OSTN: variants seen among roughly 807,000 people sequenced by gnomAD.
The protein encoded by OSTN is osteocrin.
Under a neutral mutation model 12.0 loss-of-function variants are expected in OSTN, and 9 were observed. The observed-to-expected ratio is 0.75, with a 90% CI of 0.45 to 1.30. OSTN has a LOEUF of 1.30. Ranked by LOEUF, OSTN falls within the 50% of genes most tolerant of loss-of-function variation. The pLI is 0.00. For missense variants in OSTN, 148 were observed against 152.3 expected, an observed-to-expected ratio of 0.97 and a Z score of 0.15; for synonymous variants, 59 against 56.9, an observed-to-expected ratio of 1.04 and a Z score of -0.16.
At position 191,200,887 on chromosome 3, in the gene OSTN, G is replaced by A. The variant is rs184998957; in HGVS notation, c.-1+1580G>A. On this transcript the variant is annotated intron_variant, in intron 1 of 4. Transcript: ENST00000682035. Reference sequence around the variant, plus strand: ...AGTCAGAGAAATACAAGCTTTGGAGGCAGAAAACTAGACTTCTAATTCTAG... The same window carrying A: ...AGTCAGAGAAATACAAGCTTTGGAGACAGAAAACTAGACTTCTAATTCTAG... Among the ~76,000 whole-genome samples, 220 of 152,198 alleles carry A rather than the reference G, an allele frequency of 1.4e-3. 3 individuals carry two copies. The highest frequency in any genetic ancestry group is 1.2e-4 in the Non-Finnish European group (8 of 67,980).
At chr3:191,229,667 T>C (rs1715000175) in intron 3 of OSTN, 1 of 152,058 alleles carries the variant, frequency 6.6e-6, no homozygotes, top group African/African-American at 2.4e-5. Context: ...GCCAAGAAAA[T>C]GACTCAATAT....
chr3:191,259,623 A>G (rs939819717), intron 4 of OSTN, among the ~76,000 whole-genome samples: 5 of 151,900 alleles, frequency 3.3e-5, no homozygotes, highest in African/African-American at 1.2e-4. Context: ...AAAAGTCAAA[A>G]GTCACACAGA....
intron 1 of OSTN, among the ~76,000 whole-genome samples, chr3:191,201,245 A>G (rs1714146673): frequency 6.6e-6 from 1 of 151,982 alleles, no homozygotes; most frequent in Non-Finnish European, 1.5e-5. Flanking sequence ...CTCCAGTAAC[A>G]ATGCCTCTGC....
chr3:191,216,773 C>T (rs1714623034), intron 2 of OSTN, among the ~76,000 whole-genome samples: 1 of 152,222 alleles, frequency 6.6e-6, no homozygotes, highest in Admixed American at 6.5e-5. Context: ...TCTGAGATCA[C>T]CTCAGCCTGG....
intron 4 of OSTN, among the ~76,000 whole-genome samples, chr3:191,250,477 CT>C (rs1345382082): frequency 1.3e-5 from 2 of 151,984 alleles, no homozygotes; most frequent in African/African-American, 2.4e-5. Context: ...TATAAAAATC[CT>C]TGCGTTATGA....
At position 191,218,830 on chromosome 3, in the gene OSTN, C is replaced by G. The variant is rs756580144; in HGVS notation, c.186C>G (p.Leu62=). The G allele has an allele frequency of 2.5e-6, 4 of 1,614,074 alleles. No individual in the cohort carries two copies. Among genetic ancestry groups the G allele is most frequent in the Middle Eastern group, 1.7e-4 (1 of 6,060 alleles). ...EKSATDLTAK[L]LLLDELVSLE... ...CAGCCACTGACCTGACAGCAAAACT[C>G]TTGCTTCTTGATGAATTGGTGTCCC... The change falls in exon 3 of 5, where the codon CTC becomes CTG. Residue 62 remains leucine, a synonymous_variant. Coordinates refer to ENST00000682035, the MANE Select transcript of OSTN (RefSeq NM_198184.2).
chr3:191,199,781 A>C (rs551808526), intron 1 of OSTN, among the ~76,000 whole-genome samples: 2 of 152,246 alleles, frequency 1.3e-5, no homozygotes, highest in South Asian at 4.1e-4. Flanking sequence ...AACCTAATGC[A>C]TCTTCTGTTT....
chr3:191,223,018 A>C (rs1042423322), intron 3 of OSTN, among the ~76,000 whole-genome samples: 2 of 152,140 alleles, frequency 1.3e-5, no homozygotes, highest in African/African-American at 2.4e-5. Context: ...ATTAATTTAA[A>C]TTTAAAATTA....
chr3:191,212,324 C>T (rs1204342323), intron 1 of OSTN, among the ~76,000 whole-genome samples: 1 of 152,152 alleles, frequency 6.6e-6, no homozygotes, highest in African/African-American at 2.4e-5. Flanking sequence ...TCCAGGGTCT[C>T]CATGGAAAAG....
intron 3 of OSTN, chr3:191,229,693 A>C (rs1257520346): frequency 6.6e-6 from 1 of 152,228 alleles, no homozygotes; most frequent in African/African-American, 2.4e-5. Context: ...AAACATGCGA[A>C]GAATGCAATG....
At chr3:191,251,992 C>T (rs1292129349) in intron 4 of OSTN, among the ~76,000 whole-genome samples, 1 of 152,146 alleles carries the variant, frequency 6.6e-6, no homozygotes, top group Non-Finnish European at 1.5e-5. Context: ...TCACCCATTT[C>T]AACATTTTTT....
At chr3:191,202,223 AG>A (rs1714166142) in intron 1 of OSTN, among the ~76,000 whole-genome samples, 1 of 152,222 alleles carries the variant, frequency 6.6e-6, no homozygotes, top group Non-Finnish European at 1.5e-5. Flanking sequence ...TAAGGATGAC[AG>A]GAGATTAATT....
At chr3:191,239,741 G>C (rs1412906432) in intron 3 of OSTN, among the ~76,000 whole-genome samples, 1 of 152,176 alleles carries the variant, frequency 6.6e-6, no homozygotes, top group Non-Finnish European at 1.5e-5. Context: ...GTAACCAATT[G>C]TTTCTGTCCT....
intron 2 of OSTN, among the ~76,000 whole-genome samples, chr3:191,218,366 A>G (rs1432042292): frequency 1.3e-5 from 2 of 152,202 alleles, no homozygotes; most frequent in South Asian, 4.1e-4. Flanking sequence ...TCACACCTGC[A>G]ATCACAGCAC....
At chr3:191,210,509 G>A (rs181464246) in intron 1 of OSTN, among the ~76,000 whole-genome samples, 1 of 152,188 alleles carries the variant, frequency 6.6e-6, no homozygotes, top group South Asian at 2.1e-4. Context: ...GAAGGGGTAT[G>A]CATGAATCGA....
chr3:191,232,044 G>A (rs1201045936), intron 3 of OSTN, among the ~76,000 whole-genome samples: 1 of 151,768 alleles, frequency 6.6e-6, no homozygotes, highest in Non-Finnish European at 1.5e-5. Context: ...GCAAACAATA[G>A]CTGTGGCTGG....
intron 2 of OSTN, among the ~76,000 whole-genome samples, chr3:191,216,801 A>C (rs1714623938): frequency 6.6e-6 from 1 of 152,170 alleles, no homozygotes; most frequent in African/African-American, 2.4e-5. Context: ...TGTCCATAAA[A>C]CTATCAGCAT....
At chr3:191,211,322 T>C (rs1714412234) in intron 1 of OSTN, among the ~76,000 whole-genome samples, 1 of 152,224 alleles carries the variant, frequency 6.6e-6, no homozygotes, top group South Asian at 2.1e-4. Flanking sequence ...AAGTTATTTG[T>C]TTTAACAGTA....
chr3:191,239,209 G>A (rs1398289433), intron 3 of OSTN, among the ~76,000 whole-genome samples: 1 of 152,256 alleles, frequency 6.6e-6, no homozygotes, highest in East Asian at 1.9e-4. Flanking sequence ...ACTCCATAGT[G>A]TGGGAGCGGG....
Sources: gnomAD v4.1 joint callset for allele counts (sites outside exome capture counted in the v4.1 genomes callset) on GRCh38, gnomAD v4.1.1 for gene constraint, MANE v1.5 for transcripts, NCBI Gene and HGNC (gene_info 2026-07-23, HGNC 2026-07-21) for gene names.